Variants in SIDT1 observed in about 807,000 individuals in gnomAD.
SIDT1 encodes the protein SID1 transmembrane family member 1.
A neutral mutation model predicts 107.5 loss-of-function variants in SIDT1; 101 were observed. That is an observed-to-expected ratio of 0.94 (90% CI 0.80 to 1.11). SIDT1 has a LOEUF of 1.11. Among genes scored for constraint, SIDT1 ranks in the 50% least tolerant of loss-of-function variants. The pLI, the probability that SIDT1 is intolerant of heterozygous loss-of-function variation, is 0.00. For missense variants in SIDT1, 1,076 were observed against 1,058.2 expected, an observed-to-expected ratio of 1.02 and a Z score of -0.23; for synonymous variants, 395 against 398.2, an observed-to-expected ratio of 0.99 and a Z score of 0.10.
rs1943256485 is a variant in SIDT1, at chr3:113,580,656, G to A, written c.610G>A (p.Val204Met). The A allele has an allele frequency of 6.2e-7, 1 of 1,613,576 alleles. No homozygotes were observed. The highest frequency in any genetic ancestry group is 8.5e-7 in the Non-Finnish European group (1 of 1,179,566). ...AGACGTGGACTCAGTTATCATTAAA[G>A]TGGTGTCTGAAATGGCTTATCCATG... The part of the protein sequence containing the change: ...PKDVDSVIIK[V>M]VSEMAYPCSV... Residue 204 changes from valine to methionine, a missense_variant, in exon 5 of 25, where the codon GTG (valine) becomes ATG (methionine). Coordinates refer to ENST00000264852, the MANE Select transcript of SIDT1 (RefSeq NM_017699.3).
At chr3:113,601,405 A>G in intron 10 of SIDT1, 183 bp from the exon 11 acceptor site, 3 of 499,806 alleles carry the variant, frequency 6.0e-6, no homozygotes, top group Non-Finnish European at 1.1e-5. Context: ...TTGAAGAGCC[A>G]TACAGAAACA....
intron 2 of SIDT1, among the ~76,000 whole-genome samples, chr3:113,567,175 T>C (rs1399829757): frequency 6.6e-6 from 1 of 152,250 alleles, no homozygotes; most frequent in Non-Finnish European, 1.5e-5. Context: ...TACTCTCTAC[T>C]TTAGCAGTAG....
intron 12 of SIDT1, among the ~76,000 whole-genome samples, chr3:113,603,693 A>T (rs191144656): frequency 3.9e-5 from 6 of 152,338 alleles, no homozygotes; most frequent in African/African-American, 1.4e-4. Context: ...AGTTGCCCAC[A>T]TCAGCCAATC....
At chr3:113,625,020 G>A (rs1946746758) in intron 23 of SIDT1, among the ~76,000 whole-genome samples, 2 of 152,026 alleles carry the variant, frequency 1.3e-5, no homozygotes, top group South Asian at 4.1e-4. Flanking sequence ...GAACAGTGCT[G>A]TAATAAACAT....
intron 19 of SIDT1, among the ~76,000 whole-genome samples, chr3:113,613,300 G>A (rs888505571): frequency 5.9e-5 from 9 of 152,294 alleles, no homozygotes; most frequent in East Asian, 3.9e-4. Context: ...GAGCAGGCTC[G>A]GAGCCTTCTG....
chr3:113,630,919 TC>T (rs1560161277), downstream of SIDT1, among the ~76,000 whole-genome samples: 1 of 152,118 alleles, frequency 6.6e-6, no homozygotes, highest in African/African-American at 2.4e-5. Flanking sequence ...ACCAACTGTT[TC>T]GTTTCCTGTC....
chr3:113,606,924 T>G (rs1414942670), intron 14 of SIDT1, 117 bp from the exon 15 acceptor site: 1 of 702,450 alleles, frequency 1.4e-6, no homozygotes, highest in East Asian at 2.5e-5. Flanking sequence ...GAGCACTGGT[T>G]ACATTGTAAA....
intron 24 of SIDT1, 38 bp downstream of exon 24, chr3:113,626,253 C>G (rs760002838): frequency 6.6e-6 from 9 of 1,356,162 alleles, no homozygotes; most frequent in Non-Finnish European, 9.5e-6. Flanking sequence ...TTTCTTCTCT[C>G]TTTACATCTT....
Position 113,597,061 on chromosome 3 carries a change from T to G in SIDT1, c.1045+4013T>G, listed in dbSNP as rs1398227642. Among the ~76,000 whole-genome samples, 7 of 152,312 alleles carry G rather than the reference T, an allele frequency of 4.6e-5. No homozygotes were observed. In the East Asian group the frequency reaches 7.7e-4, roughly 17 times the overall value. ...AGTCCTAGATCTCTACTCTTCTTTT[T>G]CTAGTTTTCTTGTCCAGCTTTTTCT... On this transcript the variant is annotated intron_variant, in intron 10 of 24. Coordinates refer to ENST00000264852, the MANE Select transcript of SIDT1 (RefSeq NM_017699.3).
rs553051740 is a variant in SIDT1, at chr3:113,549,083, G to A, written c.222+15840G>A. Among the ~76,000 whole-genome samples, 14 of 152,164 alleles carry A rather than the reference G, an allele frequency of 9.2e-5. No individual in the cohort carries two copies. The South Asian group carries it at 2.9e-3, about 32-fold the overall frequency. ...CCTCCGTGTCTTTTTATGGCTTGAT[G>A]CCTCATTTCTTTTTAATGCTGAGTA... On this transcript the variant is annotated intron_variant, in intron 1 of 24. Transcript: ENST00000264852.
At chr3:113,553,456 A>G (rs1192706201) in intron 1 of SIDT1, among the ~76,000 whole-genome samples, 2 of 152,208 alleles carry the variant, frequency 1.3e-5, no homozygotes, top group African/African-American at 4.8e-5. Context: ...GCCCCAGAAT[A>G]GCTCTAGAAG....
At chr3:113,632,493 GGTTTACTCT>G (rs1947100723), downstream of SIDT1, among the ~76,000 whole-genome samples, 2 of 152,134 alleles carry the variant, frequency 1.3e-5, no homozygotes, top group South Asian at 4.1e-4. Context: ...TTAGGCATGA[GGTTTACTCT>G]GCGTTTATCT....
At chr3:113,562,668 A>C (rs747600651) in intron 1 of SIDT1, among the ~76,000 whole-genome samples, 5 of 152,210 alleles carry the variant, frequency 3.3e-5, no homozygotes, top group Non-Finnish European at 7.3e-5. Flanking sequence ...CCATAAAGAC[A>C]GAAATAAGGT....
rs547993339 is a variant in SIDT1 at position 113,586,582 on chromosome 3, TGAA to T, written c.1001+1315_1001+1317del. ...CTAGGGTGCAGAAATCTGATGAGGA[TGAA>T]GATGTGTGCATGGCCTTAAACTGTA... On this transcript the variant is annotated intron_variant, in intron 9 of 24. Coordinates refer to ENST00000264852, the MANE Select transcript of SIDT1 (RefSeq NM_017699.3). Among the ~76,000 whole-genome samples the T allele has an allele frequency of 5.9e-5, 9 of 152,304 alleles. No homozygotes were observed. The South Asian group carries it at 1.2e-3, about 21-fold the overall frequency.
At chr3:113,566,392 C>T (rs1376739365) in intron 1 of SIDT1, 28 bp from the exon 2 acceptor site, 1 of 1,606,840 alleles carries the variant, frequency 6.2e-7, no homozygotes, top group African/African-American at 1.3e-5. Flanking sequence ...GCACGTTTTG[C>T]ATTACCTCTT....
the SIDT1 span, among the ~76,000 whole-genome samples, chr3:113,635,887 GA>G: frequency 6.7e-5 from 10 of 148,262 alleles, no homozygotes; most frequent in Non-Finnish European, 1.3e-4. Context: ...AAAAAAAAAA[GA>G]AAAGAAAAGA....
chr3:113,624,783 T>A (rs7638378), intron 23 of SIDT1, among the ~76,000 whole-genome samples: 46,700 of 151,976 alleles, frequency 0.31, 7,428 homozygotes, highest in Non-Finnish European at 0.35. Flanking sequence ...AGTGAGAACA[T>A]GCAATATTTG....
Position 113,610,957 on chromosome 3 carries a change from G to A in SIDT1, c.1721-51G>A, listed in dbSNP as rs776949729. ...AAGAAAAATCTAGAAAATATCATCTGTCTGTCACCTACTGAATCCTGATCA... is the reference window on the plus strand; with the variant it reads ...AAGAAAAATCTAGAAAATATCATCTATCTGTCACCTACTGAATCCTGATCA... On this transcript the variant is annotated intron_variant, in intron 17 of 24. Coordinates refer to ENST00000264852, the MANE Select transcript of SIDT1 (RefSeq NM_017699.3). 8 of 1,591,876 alleles carry A rather than the reference G, an allele frequency of 5.0e-6. No homozygotes were observed. The East Asian group carries it at 6.7e-5, about 13-fold the overall frequency.
rs566600410 is a variant in SIDT1 at position 113,613,157 on chromosome 3, C to T, written c.1966+963C>T. ...ACAAGTGTGCATGTGGCACCTTTGC[C>T]CTACATCCAATGTTCATCCACTTCC... On this transcript the variant is annotated intron_variant, in intron 19 of 24. Coordinates refer to ENST00000264852, the MANE Select transcript of SIDT1 (RefSeq NM_017699.3). Among the ~76,000 whole-genome samples the T allele has an allele frequency of 1.5e-3, 230 of 152,320 alleles. 1 individual carries two copies. Among genetic ancestry groups the T allele is most frequent in the African/African-American group, 5.1e-3 (212 of 41,562 alleles).
Sources: allele counts gnomAD v4.1 joint callset (sites outside exome capture counted in the v4.1 genomes callset), GRCh38; gene constraint gnomAD v4.1.1; transcripts MANE v1.5; gene names NCBI Gene and HGNC (gene_info 2026-07-23, HGNC 2026-07-21).